MMS22L: variants seen among roughly 807,000 people sequenced by gnomAD.
The protein encoded by MMS22L is protein MMS22-like.
In MMS22L, 74 loss-of-function variants were observed where a neutral mutation model predicts 159.1. That is an observed-to-expected ratio of 0.47 (90% CI 0.39 to 0.56). MMS22L has a LOEUF of 0.56. MMS22L is among the 20% of genes least tolerant of loss of function. The pLI is 0.00. For synonymous variants in MMS22L, 517 were observed against 506.9 expected (o/e 1.02, Z -0.27); for missense variants, 1,351 against 1,422.1 (o/e 0.95, Z 0.80).
chr6:97,190,806 T>C (rs943202936), intron 14 of MMS22L, among the ~76,000 whole-genome samples: 2 of 152,190 alleles, frequency 1.3e-5, no homozygotes, highest in African/African-American at 4.8e-5. Flanking sequence ...CTGTTTTCTT[T>C]AGAGTCAAGA....
chr6:97,282,644 A>G lies in MMS22L; in HGVS notation c.-76-91T>C. On this transcript the variant is annotated intron_variant, in intron 1 of 24. Coordinates refer to ENST00000683635, the MANE Select transcript of MMS22L (RefSeq NM_001350599.2). ...GCCAGCAGGAAGGAAAAACAAACGA[A>G]CAAACCCAGAGGCCAAATTCCCAAT... 5 of 514,102 alleles carry G rather than the reference A, an allele frequency of 9.7e-6. No homozygotes were observed. In the South Asian group the frequency reaches 1.3e-4, roughly 14 times the overall value. The allele number at this position is 514,102 out of a possible 1,614,324, so 31.8% of individuals were successfully genotyped here. A position where few individuals can be genotyped will look rare whatever the true frequency, so the allele number is the denominator to read the frequency against.
At chr6:97,204,012 G>A (rs1807473782) in intron 14 of MMS22L, among the ~76,000 whole-genome samples, 3 of 152,070 alleles carry the variant, frequency 2.0e-5, no homozygotes, top group Non-Finnish European at 2.9e-5. Context: ...CTTTAACAGT[G>A]GCCCATACTT....
At chr6:97,252,392 C>T (rs1322982055) in intron 10 of MMS22L, among the ~76,000 whole-genome samples, 1 of 151,858 alleles carries the variant, frequency 6.6e-6, no homozygotes, top group East Asian at 1.9e-4. Flanking sequence ...TTTGGGAGGC[C>T]GAGGCAGGCA....
chr6:97,158,638 T>C (rs919130625), intron 22 of MMS22L, among the ~76,000 whole-genome samples: 1 of 152,214 alleles, frequency 6.6e-6, no homozygotes, highest in Non-Finnish European at 1.5e-5. Flanking sequence ...AGTTTCTTAA[T>C]CCTGAGTTCC....
intron 3 of MMS22L, among the ~76,000 whole-genome samples, chr6:97,279,878 TA>T (rs1422498417): frequency 6.6e-6 from 1 of 152,020 alleles, no homozygotes; most frequent in African/African-American, 2.4e-5. Flanking sequence ...AGTTATACAA[TA>T]GAAGTTCAAA....
chr6:97,235,278 G>A (rs1811277997), intron 11 of MMS22L, among the ~76,000 whole-genome samples: 1 of 152,142 alleles, frequency 6.6e-6, no homozygotes, highest in African/African-American at 2.4e-5. Context: ...ATAGGTCAAT[G>A]GTGCTATTTC....
At chr6:97,180,796 C>T (rs893830323) in intron 16 of MMS22L, among the ~76,000 whole-genome samples, 2 of 152,122 alleles carry the variant, frequency 1.3e-5, no homozygotes, top group Non-Finnish European at 2.9e-5. Context: ...AGTAATCCAA[C>T]TGAATTTGAA....
At chr6:97,200,448 C>T (rs1461476477) in intron 14 of MMS22L, among the ~76,000 whole-genome samples, 1 of 151,998 alleles carries the variant, frequency 6.6e-6, no homozygotes, top group African/African-American at 2.4e-5. Flanking sequence ...GCCTCAAAGG[C>T]GTTTATTATA....
At chr6:97,276,411 C>G (rs114192425) in intron 4 of MMS22L, among the ~76,000 whole-genome samples, 54 of 151,280 alleles carry the variant, frequency 3.6e-4, no homozygotes, top group Middle Eastern at 3.4e-3. Flanking sequence ...TAAATGCCTT[C>G]CATGAACCCA....
intron 11 of MMS22L, among the ~76,000 whole-genome samples, chr6:97,242,983 C>G (rs1447735495): frequency 2.6e-5 from 4 of 152,160 alleles, no homozygotes; most frequent in African/African-American, 9.7e-5. Flanking sequence ...TTACCTGATG[C>G]TTTCTGCCTC....
At chr6:97,203,421 T>G (rs1807393942) in intron 14 of MMS22L, among the ~76,000 whole-genome samples, 1 of 152,170 alleles carries the variant, frequency 6.6e-6, no homozygotes, top group African/African-American at 2.4e-5. Flanking sequence ...TTCTACAACA[T>G]GCTGAGGCTG....
At chr6:97,202,910 C>T (rs1446373652) in intron 14 of MMS22L, among the ~76,000 whole-genome samples, 1 of 152,134 alleles carries the variant, frequency 6.6e-6, no homozygotes, top group African/African-American at 2.4e-5. Flanking sequence ...GTTAAGATGA[C>T]TACTGGTCAT....
chr6:97,247,613 G>A, intron 10 of MMS22L, among the ~76,000 whole-genome samples: 1 of 152,128 alleles, frequency 6.6e-6, no homozygotes. Flanking sequence ...AGCTACCCGG[G>A]AGGCTGAGGC....
At chr6:97,276,580 C>T (rs1362844448) in intron 4 of MMS22L, among the ~76,000 whole-genome samples, 1 of 152,210 alleles carries the variant, frequency 6.6e-6, no homozygotes, top group Admixed American at 6.5e-5. Flanking sequence ...ATCACTCACA[C>T]ACATTCTGAT....
At chr6:97,208,712 C>T (rs1808052235) in intron 14 of MMS22L, among the ~76,000 whole-genome samples, 1 of 151,988 alleles carries the variant, frequency 6.6e-6, no homozygotes, top group South Asian at 2.1e-4. Flanking sequence ...GACAGAACAG[C>T]ATATGAAGGG....
At chr6:97,213,897 CTA>C (rs1334625910) in intron 14 of MMS22L, among the ~76,000 whole-genome samples, 2 of 152,050 alleles carry the variant, frequency 1.3e-5, no homozygotes, top group Admixed American at 6.6e-5. Context: ...TAGAAGCCTC[CTA>C]TCTGTTTTTC....
intron 9 of MMS22L, chr6:97,261,216 T>C (rs1190660274): frequency 6.6e-6 from 1 of 152,240 alleles, no homozygotes; most frequent in Non-Finnish European, 1.5e-5. Context: ...TTTCTGTTTT[T>C]AAAACTGACA....
chr6:97,172,501 G>A (rs1055822542), intron 19 of MMS22L, among the ~76,000 whole-genome samples: 1 of 151,840 alleles, frequency 6.6e-6, no homozygotes, highest in Admixed American at 6.6e-5. Flanking sequence ...CATGGTTTTC[G>A]TGAAAAAAAG....
intron 11 of MMS22L, 23 bp from the exon 12 acceptor site, chr6:97,234,003 G>C (rs182955791): frequency 1.2e-6 from 2 of 1,602,482 alleles, no homozygotes; most frequent in Non-Finnish European, 1.7e-6. Flanking sequence ...CTGAAGTTAT[G>C]AGAAGGTAAA....
Sources: gnomAD v4.1 joint callset for allele counts (sites outside exome capture counted in the v4.1 genomes callset) on GRCh38, gnomAD v4.1.1 for gene constraint, MANE v1.5 for transcripts, NCBI Gene and HGNC (gene_info 2026-07-23, HGNC 2026-07-21) for gene names.